GABRB2: variants seen among roughly 807,000 people sequenced by gnomAD.
GABRB2 encodes the protein gamma-aminobutyric acid type A receptor subunit beta2, also known as gamma-aminobutyric acid receptor subunit beta-2.
A neutral mutation model predicts 54.7 loss-of-function variants in GABRB2; 16 were observed. That is an observed-to-expected ratio of 0.29 (90% CI 0.20 to 0.44). The LOEUF is 0.44. GABRB2 is among the 20% of genes least tolerant of loss of function. GABRB2 has a pLI of 1.00. For missense variants in GABRB2, 355 were observed against 644.0 expected (o/e 0.55, Z 4.86); for synonymous variants, 244 against 233.8 (o/e 1.04, Z -0.40).
Position 161,546,317 on chromosome 5 carries a change from A to G in GABRB2, c.169+5T>C. On this transcript the variant is annotated splice_donor_5th_base_variant and intron_variant, in intron 2 of 9. Transcript: ENST00000393959. ...CTGGACTTATTTGCAAGGCAACCCC[A>G]TTACCTCCAAAATCTGGTCTCAGAC... 1 of 1,613,218 alleles carries G rather than the reference A, an allele frequency of 6.2e-7. No homozygotes were observed. The highest frequency in any genetic ancestry group is 8.5e-7 in the Non-Finnish European group (1 of 1,179,104).
intron 3 of GABRB2, among the ~76,000 whole-genome samples, chr5:161,486,770 A>C (rs1463063468): frequency 6.6e-6 from 1 of 151,866 alleles, no homozygotes. Context: ...ATAAATACTC[A>C]TTTCAGAGAG....
intron 3 of GABRB2, among the ~76,000 whole-genome samples, chr5:161,528,919 A>C (rs1760369290): frequency 6.6e-6 from 1 of 151,960 alleles, no homozygotes; most frequent in Non-Finnish European, 1.5e-5. Context: ...TTTCACACAA[A>C]GTTTAACATC....
At chr5:161,401,476 G>T (rs1315393690) in intron 5 of GABRB2, among the ~76,000 whole-genome samples, 1 of 152,052 alleles carries the variant, frequency 6.6e-6, no homozygotes, top group Non-Finnish European at 1.5e-5. Context: ...ACTTACAACC[G>T]ATAGTATTTA....
intron 3 of GABRB2, among the ~76,000 whole-genome samples, chr5:161,466,550 A>C (rs1319455995): frequency 6.6e-6 from 1 of 152,118 alleles, no homozygotes; most frequent in African/African-American, 2.4e-5. Flanking sequence ...TCAGCCATTG[A>C]AAGAATTTTA....
Position 161,546,613 on chromosome 5 carries a change from C to T in GABRB2, c.31G>A (p.Gly11Arg). 1.2e-6 allele frequency: 2 copies of T among 1,600,468 alleles called. No homozygotes were observed. Among genetic ancestry groups the T allele is most frequent in the South Asian group, 2.3e-5 (2 of 88,380 alleles). MWRVRKRGYF[G>R]IWSFPLIIAA... ...ATTATTAAGGGGAAGGACCAAATCC[C>T]AAAGTAGCCCCTTTTCCGCACTCTC... The change falls in exon 1 of 10, where the codon GGG becomes AGG. Residue 11 changes from glycine (G) to arginine (R), a missense_variant. This residue lies in a region of GABRB2 where 42 missense variants were observed against 43.0 expected (regional missense o/e 0.98). Transcript: ENST00000393959.
At chr5:161,516,962 A>G (rs1285116602) in intron 3 of GABRB2, among the ~76,000 whole-genome samples, 6 of 152,152 alleles carry the variant, frequency 3.9e-5, no homozygotes, top group Non-Finnish European at 7.3e-5. Context: ...TTTACTTCAG[A>G]GAGTTAGCAA....
rs181489453 is a variant in GABRB2, at chr5:161,356,392, T to G, written c.542-19623A>C. Among the ~76,000 whole-genome samples the G allele has an allele frequency of 1.1e-3, 161 of 152,262 alleles. 1 individual carries two copies. Among genetic ancestry groups the G allele is most frequent in the African/African-American group, 3.6e-3 (148 of 41,556 alleles). On this transcript the variant is annotated intron_variant, in intron 5 of 9. Coordinates refer to ENST00000393959, the MANE Select transcript of GABRB2 (RefSeq NM_001371727.1). ...ATGACTATAGTGGATAAATTCAGGTTTCTCTGCCCATCTAGAGCCAACCTT... is the reference window on the plus strand; with the variant it reads ...ATGACTATAGTGGATAAATTCAGGTGTCTCTGCCCATCTAGAGCCAACCTT...
At chr5:161,348,730 TGTA>T (rs1057170993) in intron 5 of GABRB2, among the ~76,000 whole-genome samples, 2 of 152,104 alleles carry the variant, frequency 1.3e-5, no homozygotes, top group Non-Finnish European at 2.9e-5. Flanking sequence ...TGTCTTCCTC[TGTA>T]GTAGAAGCAA....
chr5:161,547,127 C>G (rs555764835), upstream of GABRB2: 1 of 152,300 alleles, frequency 6.6e-6, no homozygotes, highest in East Asian at 2.0e-4. Context: ...TGGTCTCAGC[C>G]GGACACGGGG....
intron 4 of GABRB2, among the ~76,000 whole-genome samples, chr5:161,452,141 G>C (rs1757806832): frequency 6.6e-6 from 1 of 152,152 alleles, no homozygotes; most frequent in Non-Finnish European, 1.5e-5. Flanking sequence ...CAAGTTGACT[G>C]CTCTTTTGTG....
intron 9 of GABRB2, among the ~76,000 whole-genome samples, chr5:161,294,771 T>C (rs1364979512): frequency 6.6e-6 from 1 of 152,214 alleles, no homozygotes; most frequent in Admixed American, 6.5e-5. Flanking sequence ...AGTCTTGATA[T>C]GAACACATAA....
chr5:161,468,176 A>G (rs1004471343), intron 3 of GABRB2, among the ~76,000 whole-genome samples: 5 of 152,102 alleles, frequency 3.3e-5, no homozygotes, highest in Non-Finnish European at 5.9e-5. Flanking sequence ...TGTAGCAGAA[A>G]TGTAAAGCAA....
intron 9 of GABRB2, among the ~76,000 whole-genome samples, chr5:161,319,476 A>T (rs1177594884): frequency 6.7e-6 from 1 of 149,288 alleles, no homozygotes; most frequent in Non-Finnish European, 1.5e-5. Context: ...ATCTATATGG[A>T]AAATGTTACC....
At chr5:161,296,821 A>C (rs941212041) in intron 9 of GABRB2, among the ~76,000 whole-genome samples, 1 of 152,218 alleles carries the variant, frequency 6.6e-6, no homozygotes, top group African/African-American at 2.4e-5. Context: ...GATTGTACTT[A>C]TGGCTCTTCC....
At chr5:161,374,917 G>T (rs1755244702) in intron 5 of GABRB2, among the ~76,000 whole-genome samples, 1 of 152,056 alleles carries the variant, frequency 6.6e-6, no homozygotes, top group African/African-American at 2.4e-5. Context: ...AGGGCTCATG[G>T]TGCGTAGTAG....
At chr5:161,417,214 TA>T (rs1252294933) in intron 4 of GABRB2, among the ~76,000 whole-genome samples, 1 of 152,226 alleles carries the variant, frequency 6.6e-6, no homozygotes, top group Non-Finnish European at 1.5e-5. Flanking sequence ...GTAGAACAGG[TA>T]AAACATTGCT....
At chr5:161,295,119 T>C (rs1032060812) in intron 9 of GABRB2, among the ~76,000 whole-genome samples, 13 of 152,066 alleles carry the variant, frequency 8.5e-5, no homozygotes, top group African/African-American at 3.1e-4. Flanking sequence ...AATAGGAGCA[T>C]AACAGCCAGA....
intron 3 of GABRB2, among the ~76,000 whole-genome samples, chr5:161,537,020 C>T (rs1357657055): frequency 6.6e-6 from 1 of 152,086 alleles, no homozygotes; most frequent in East Asian, 1.9e-4. Flanking sequence ...GCTCCTGTTA[C>T]TCTATCTGGG....
chr5:161,392,397 A>G (rs1054843051), intron 5 of GABRB2, among the ~76,000 whole-genome samples: 1 of 152,214 alleles, frequency 6.6e-6, no homozygotes, highest in African/African-American at 2.4e-5. Flanking sequence ...ACTTTTTGGT[A>G]TAACGCCTCC....
Sources: gnomAD v4.1 joint callset for allele counts (sites outside exome capture counted in the v4.1 genomes callset) on GRCh38, gnomAD v4.1.1 for gene constraint, gnomAD v4.1.1 regional missense constraint, MANE v1.5 for transcripts, NCBI Gene and HGNC (gene_info 2026-07-23, HGNC 2026-07-21) for gene names.